Variants in RELL1 observed in about 807,000 individuals in gnomAD.
RELL1 encodes the protein RELT like 1.
Under a neutral mutation model 23.0 loss-of-function variants are expected in RELL1, and 10 were observed. That is an observed-to-expected ratio of 0.43 (90% confidence interval 0.27 to 0.74). RELL1 has a LOEUF of 0.74. RELL1 is among the 30% of genes least tolerant of loss of function. The probability of loss-of-function intolerance (pLI) is 0.19; values close to 1 mark genes in which losing one functional copy is unlikely to be tolerated. For synonymous variants in RELL1, 146 were observed against 146.8 expected (o/e 0.99, Z 0.04); for missense variants, 315 against 364.4 (o/e 0.86, Z 1.10).
At chr4:37,681,627 C>T (rs1224312464) in intron 1 of RELL1, among the ~76,000 whole-genome samples, 1 of 146,546 alleles carries the variant, frequency 6.8e-6, no homozygotes, top group African/African-American at 2.5e-5. Flanking sequence ...TTCCCAGGTT[C>T]GAGTGATTCT....
At chr4:37,618,611 T>G (rs1233726065) in intron 6 of RELL1, among the ~76,000 whole-genome samples, 1 of 152,166 alleles carries the variant, frequency 6.6e-6, no homozygotes, top group Non-Finnish European at 1.5e-5. Context: ...AATCTCCCAT[T>G]GATAGATGTA....
intron 5 of RELL1, 116 bp from the exon 6 acceptor site, chr4:37,631,639 A>G (rs1720140554): frequency 1.7e-6 from 2 of 1,151,840 alleles, no homozygotes; most frequent in Non-Finnish European, 2.5e-6. Context: ...AAAAGTTAGG[A>G]CACAAATGAA....
At chr4:37,626,698 G>A (rs150681592) in intron 6 of RELL1, among the ~76,000 whole-genome samples, 1,907 of 152,012 alleles carry the variant, frequency 0.013, 14 homozygotes, top group South Asian at 0.027. Context: ...AACACTGTTC[G>A]GCCAGAAAAA....
At chr4:37,668,817 C>G (rs1368215378) in intron 1 of RELL1, among the ~76,000 whole-genome samples, 1 of 146,050 alleles carries the variant, frequency 6.8e-6, no homozygotes, top group East Asian at 2.0e-4. Context: ...TGAGGAGCGT[C>G]TCTCCCCGGC....
intron 1 of RELL1, among the ~76,000 whole-genome samples, chr4:37,665,895 T>C (rs6842873): frequency 0.22 from 33,689 of 152,036 alleles, 4,074 homozygotes; most frequent in African/African-American, 0.31. Flanking sequence ...CCCTGCAGAA[T>C]AGGACATAAA....
At chr4:37,660,849 G>A (rs1402649264) in intron 1 of RELL1, among the ~76,000 whole-genome samples, 1 of 152,118 alleles carries the variant, frequency 6.6e-6, no homozygotes, top group Non-Finnish European at 1.5e-5. Context: ...GGCTAACACG[G>A]TGAAACCCCG....
chr4:37,658,119 A>T (rs1399889165), intron 1 of RELL1, among the ~76,000 whole-genome samples: 4 of 152,068 alleles, frequency 2.6e-5, no homozygotes, highest in Non-Finnish European at 4.4e-5. Context: ...AGAAGAGGGG[A>T]CTTCAGCAGA....
chr4:37,666,061 A>C (rs1471270535), intron 1 of RELL1, among the ~76,000 whole-genome samples: 1 of 152,166 alleles, frequency 6.6e-6, no homozygotes, highest in Non-Finnish European at 1.5e-5. Flanking sequence ...TGATTTCCAG[A>C]TCCAGGGCCT....
intron 1 of RELL1, among the ~76,000 whole-genome samples, chr4:37,683,893 A>T (rs1010808610): frequency 6.6e-6 from 1 of 151,742 alleles, no homozygotes; most frequent in Non-Finnish European, 1.5e-5. Context: ...CATCCTGGCT[A>T]ACACGGTGAA....
At chr4:37,665,340 G>A (rs1213441990) in intron 1 of RELL1, 1 of 453,430 alleles carries the variant, frequency 2.2e-6, no homozygotes, top group Admixed American at 2.4e-5. Context: ...ATACCAGCAT[G>A]CTCCTGGGTT....
chr4:37,611,282 C>A lies in RELL1; in HGVS notation c.*2064G>T, dbSNP rs557320435. Among the ~76,000 whole-genome samples the A allele has an allele frequency of 6.6e-6, 1 of 152,192 alleles. No homozygotes were observed. The highest frequency in any genetic ancestry group is 1.9e-4 in the East Asian group (1 of 5,182). On this transcript the variant is annotated 3_prime_UTR_variant, in exon 7 of 7. Transcript: ENST00000454158. ...TATATTATTTACACTAATACATACC[C>A]CTAAAAGTCCTATATTGCTACTTTC...
At chr4:37,631,037 C>T (rs1720111208) in intron 6 of RELL1, among the ~76,000 whole-genome samples, 1 of 152,070 alleles carries the variant, frequency 6.6e-6, no homozygotes, top group South Asian at 2.1e-4. Context: ...GATGCAGCAA[C>T]ACTAGGTGCT....
intron 4 of RELL1, 53 bp from the exon 5 acceptor site, chr4:37,635,176 A>C: frequency 1.5e-6 from 2 of 1,370,966 alleles, no homozygotes; most frequent in Non-Finnish European, 2.1e-6. Flanking sequence ...AATATCAGCG[A>C]AGGTGATCTC....
chr4:37,660,874 A>G (rs1009221159), intron 1 of RELL1, among the ~76,000 whole-genome samples: 3 of 152,130 alleles, frequency 2.0e-5, no homozygotes, highest in Non-Finnish European at 4.4e-5. Context: ...TACTAAAAAT[A>G]TAACAGATTA....
intron 6 of RELL1, among the ~76,000 whole-genome samples, chr4:37,627,767 A>C (rs1029217999): frequency 6.6e-6 from 1 of 152,250 alleles, no homozygotes; most frequent in African/African-American, 2.4e-5. Context: ...TCTGTTCTAC[A>C]ATAAAACAAA....
intron 1 of RELL1, among the ~76,000 whole-genome samples, chr4:37,674,250 A>G (rs1721940776): frequency 6.6e-6 from 1 of 152,248 alleles, no homozygotes; most frequent in African/African-American, 2.4e-5. Flanking sequence ...TTCATTTTAC[A>G]TACCTACATA....
intron 1 of RELL1, among the ~76,000 whole-genome samples, chr4:37,666,486 G>C (rs967571094): frequency 2.0e-5 from 3 of 152,130 alleles, no homozygotes; most frequent in African/African-American, 7.2e-5. Context: ...AGATTACTAG[G>C]GTTTATCCAA....
chr4:37,595,872 C>T (rs934962556), intron 6 of RELL1, among the ~76,000 whole-genome samples: 1 of 151,994 alleles, frequency 6.6e-6, no homozygotes, highest in South Asian at 2.1e-4. Flanking sequence ...GGAGCTTGGC[C>T]GACCTCGTTT....
chr4:37,674,161 T>C (rs577497777), intron 1 of RELL1, among the ~76,000 whole-genome samples: 1 of 152,362 alleles, frequency 6.6e-6, no homozygotes, highest in East Asian at 1.9e-4. Context: ...TTCTCTACTA[T>C]ACTATAGTGA....
Sources: allele counts gnomAD v4.1 joint callset (sites outside exome capture counted in the v4.1 genomes callset), GRCh38; gene constraint gnomAD v4.1.1; transcripts MANE v1.5; gene names NCBI Gene and HGNC (gene_info 2026-07-23, HGNC 2026-07-21).